COMMD1: variants seen among roughly 807,000 people sequenced by gnomAD.
COMMD1 encodes COMM domain-containing protein 1.
Under a neutral mutation model 17.2 loss-of-function variants are expected in COMMD1, and 10 were observed. That is an observed-to-expected ratio of 0.58 (90% CI 0.36 to 0.99). The LOEUF (loss-of-function observed/expected upper bound fraction) is 0.99. COMMD1 is among the 50% of genes least tolerant of loss of function. COMMD1 has a pLI of 0.01. For synonymous variants in COMMD1, 97 were observed against 91.6 expected (o/e 1.06, Z -0.34); for missense variants, 270 against 231.8 (o/e 1.17, Z -1.07).
At chr2:62,078,193 T>G (rs1264808652) in intron 2 of COMMD1, among the ~76,000 whole-genome samples, 4 of 124,812 alleles carry the variant, frequency 3.2e-5, no homozygotes, top group Non-Finnish European at 6.2e-5. Flanking sequence ...GAGAATGGCG[T>G]GAACCCAGGA....
At chr2:61,982,663 C>A (rs1453464073) in intron 1 of COMMD1, among the ~76,000 whole-genome samples, 1 of 152,024 alleles carries the variant, frequency 6.6e-6, no homozygotes, top group South Asian at 2.1e-4. Flanking sequence ...TTCTTTCTAT[C>A]CTGTTTGTTT....
At chr2:61,941,966 T>C (rs1323580893) in intron 1 of COMMD1, among the ~76,000 whole-genome samples, 1 of 152,158 alleles carries the variant, frequency 6.6e-6, no homozygotes, top group African/African-American at 2.4e-5. Context: ...AGAGGTAACT[T>C]TATTTGTCCT....
At chr2:61,916,675 C>T (rs1207315424) in intron 1 of COMMD1, among the ~76,000 whole-genome samples, 1 of 152,108 alleles carries the variant, frequency 6.6e-6, no homozygotes, top group Non-Finnish European at 1.5e-5. Flanking sequence ...GATCTATCCA[C>T]CTCGGCCTCC....
chr2:62,052,576 C>G (rs1003817784), intron 2 of COMMD1, among the ~76,000 whole-genome samples: 1 of 152,136 alleles, frequency 6.6e-6, no homozygotes, highest in Non-Finnish European at 1.5e-5. Context: ...GTACATATCT[C>G]CTGACATGAG....
chr2:61,922,422 A>G (rs538688264), intron 1 of COMMD1, among the ~76,000 whole-genome samples: 2 of 152,144 alleles, frequency 1.3e-5, no homozygotes, highest in African/African-American at 2.4e-5. Flanking sequence ...GGTTCAAGCA[A>G]TTCTCCTGCC....
At chr2:62,127,961 G>A (rs1368929760) in intron 2 of COMMD1, among the ~76,000 whole-genome samples, 2 of 149,658 alleles carry the variant, frequency 1.3e-5, no homozygotes, top group Non-Finnish European at 3.0e-5. Flanking sequence ...GACAGAGGTT[G>A]CAGTGAGCCA....
intron 1 of COMMD1, among the ~76,000 whole-genome samples, chr2:61,944,105 A>C (rs1670841538): frequency 6.6e-6 from 1 of 152,162 alleles, no homozygotes; most frequent in African/African-American, 2.4e-5. Flanking sequence ...AAATGTGCAC[A>C]TGAGCCAATC....
At chr2:62,090,278 A>G (rs933334923) in intron 2 of COMMD1, among the ~76,000 whole-genome samples, 6 of 152,242 alleles carry the variant, frequency 3.9e-5, no homozygotes, top group African/African-American at 1.4e-4. Context: ...AGAGGGCAGT[A>G]AACAACCTGA....
chr2:61,958,030 T>C (rs1297822838), intron 1 of COMMD1, among the ~76,000 whole-genome samples: 1 of 152,214 alleles, frequency 6.6e-6, no homozygotes, highest in Non-Finnish European at 1.5e-5. Flanking sequence ...ACGGATGAAA[T>C]GAAGGCTCAT....
chr2:61,967,183 T>C (rs149984307), intron 1 of COMMD1, among the ~76,000 whole-genome samples: 14 of 152,310 alleles, frequency 9.2e-5, no homozygotes, highest in Non-Finnish European at 1.8e-4. Flanking sequence ...AGCAGAACTG[T>C]CCAATCTGTC....
intron 1 of COMMD1, among the ~76,000 whole-genome samples, chr2:61,914,486 T>C (rs1018260889): frequency 2.6e-5 from 4 of 151,550 alleles, no homozygotes; most frequent in Non-Finnish European, 2.9e-5. Context: ...GGCAGGAGAA[T>C]TGCTTGAACC....
At chr2:61,962,524 A>G (rs560383047) in intron 1 of COMMD1, among the ~76,000 whole-genome samples, 2 of 152,322 alleles carry the variant, frequency 1.3e-5, no homozygotes, top group East Asian at 3.9e-4. Flanking sequence ...CCCATGCAGT[A>G]TCACCCTGAC....
At chr2:61,901,157 T>C (rs956642249), upstream of COMMD1, among the ~76,000 whole-genome samples, 4 of 151,804 alleles carry the variant, frequency 2.6e-5, no homozygotes, top group South Asian at 8.3e-4. Context: ...ATGTTGGCCA[T>C]GCTGGTCTTG....
intron 2 of COMMD1, among the ~76,000 whole-genome samples, chr2:62,035,756 A>AG (rs1316860298): frequency 1.3e-5 from 2 of 150,582 alleles, no homozygotes; most frequent in Non-Finnish European, 3.0e-5. Context: ...AAAAAAAAAA[A>AG]AAAAAAAAAG....
chr2:61,973,706 T>C (rs186432531), intron 1 of COMMD1, among the ~76,000 whole-genome samples: 2 of 152,260 alleles, frequency 1.3e-5, no homozygotes, highest in African/African-American at 4.8e-5. Context: ...ATTTTGCTTT[T>C]CAAAATCTCA....
upstream of COMMD1, among the ~76,000 whole-genome samples, chr2:61,902,658 TA>T (rs1358972815): frequency 5.3e-5 from 8 of 152,084 alleles, no homozygotes; most frequent in African/African-American, 1.9e-4. Flanking sequence ...AGTGAGATAA[TA>T]TTTTTCATGT....
intron 1 of COMMD1, among the ~76,000 whole-genome samples, chr2:61,943,918 C>T (rs1327599999): frequency 2.0e-5 from 3 of 152,244 alleles, no homozygotes; most frequent in Non-Finnish European, 2.9e-5. Flanking sequence ...CTAATTTTCT[C>T]GAGAGTTCCC....
chr2:61,952,857 T>C (rs1376473675), intron 1 of COMMD1, among the ~76,000 whole-genome samples: 1 of 152,210 alleles, frequency 6.6e-6, no homozygotes, highest in Non-Finnish European at 1.5e-5. Context: ...AGGAGTGAAA[T>C]GGTTGAACAT....
At chr2:62,004,665 A>G (rs1669063581) in intron 2 of COMMD1, among the ~76,000 whole-genome samples, 1 of 152,208 alleles carries the variant, frequency 6.6e-6, no homozygotes, top group East Asian at 1.9e-4. Context: ...AAAGTAAACA[A>G]TAATAGAACC....
Sources: gnomAD v4.1 joint callset for allele counts (sites outside exome capture counted in the v4.1 genomes callset) on GRCh38, gnomAD v4.1.1 for gene constraint, MANE v1.5 for transcripts, NCBI Gene and HGNC (gene_info 2026-07-23, HGNC 2026-07-21) for gene names.